FRMD4A: variants seen among roughly 807,000 people sequenced by gnomAD.
FRMD4A encodes FERM domain-containing protein 4A.
Under a neutral mutation model 129.1 loss-of-function variants are expected in FRMD4A, and 29 were observed. The ratio of observed to expected loss-of-function variants is 0.22; its 90% CI spans 0.17 to 0.31. FRMD4A has a LOEUF of 0.31. Ranked by LOEUF, FRMD4A falls within the 10% of genes least tolerant of loss-of-function variation. The pLI is 1.00. For synonymous variants in FRMD4A, 634 were observed against 571.6 expected (o/e 1.11, Z -1.56); for missense variants, 1,272 against 1,375.8 (o/e 0.92, Z 1.19).
intron 3 of FRMD4A, among the ~76,000 whole-genome samples, chr10:13,840,478 A>G (rs1316220000): frequency 6.6e-6 from 1 of 152,332 alleles, no homozygotes; most frequent in Non-Finnish European, 1.5e-5. Context: ...GAGCTGCCTA[A>G]TATGGTGACA....
chr10:14,151,331 T>A (rs991153783), intron 2 of FRMD4A, among the ~76,000 whole-genome samples: 1 of 152,118 alleles, frequency 6.6e-6, no homozygotes, highest in Non-Finnish European at 1.5e-5. Context: ...TATGCAGACA[T>A]GAAAAAATGA....
intron 2 of FRMD4A, among the ~76,000 whole-genome samples, chr10:14,048,905 A>AGAAT (rs1834124978): frequency 3.5e-5 from 5 of 144,286 alleles, no homozygotes; most frequent in Admixed American, 7.0e-5. Flanking sequence ...TAGAATAGAA[A>AGAAT]ATAAAATGAA....
intron 12 of FRMD4A, among the ~76,000 whole-genome samples, chr10:13,715,920 A>AG (rs1368411441): frequency 6.6e-6 from 1 of 151,792 alleles, no homozygotes; most frequent in African/African-American, 2.4e-5. Context: ...AAAAAAAAAA[A>AG]AAAAGAAATG....
chr10:13,856,498 G>T (rs964405370), intron 3 of FRMD4A, among the ~76,000 whole-genome samples: 1 of 152,108 alleles, frequency 6.6e-6, no homozygotes, highest in East Asian at 1.9e-4. Context: ...TCACAGCGAG[G>T]TGTGGCCATG....
At chr10:14,142,213 C>A (rs1323907186) in intron 2 of FRMD4A, among the ~76,000 whole-genome samples, 2 of 151,956 alleles carry the variant, frequency 1.3e-5, no homozygotes, top group Non-Finnish European at 2.9e-5. Context: ...TCTGAATATG[C>A]TTCTTCTCTG....
At chr10:13,664,670 G>A (rs1282980098) in intron 18 of FRMD4A, among the ~76,000 whole-genome samples, 1 of 151,332 alleles carries the variant, frequency 6.6e-6, no homozygotes. Flanking sequence ...TAATTGTGGT[G>A]AAATATATAT....
intron 3 of FRMD4A, among the ~76,000 whole-genome samples, chr10:13,828,378 G>A (rs1407744038): frequency 1.3e-5 from 2 of 152,124 alleles, no homozygotes; most frequent in African/African-American, 4.8e-5. Flanking sequence ...TGCACTTTAA[G>A]TGAGAACATG....
intron 2 of FRMD4A, among the ~76,000 whole-genome samples, chr10:14,110,395 C>T (rs539268465): frequency 4.6e-5 from 7 of 151,994 alleles, no homozygotes; most frequent in Non-Finnish European, 5.9e-5. Context: ...AATGTGGAAA[C>T]GGGGGTGCTG....
chr10:14,238,244 T>C (rs1056808264), intron 2 of FRMD4A, among the ~76,000 whole-genome samples: 1 of 152,268 alleles, frequency 6.6e-6, no homozygotes. Context: ...GATAGAATTA[T>C]GTTTCCAAGT....
At chr10:13,773,057 T>C (rs1323766928) in intron 6 of FRMD4A, among the ~76,000 whole-genome samples, 1 of 152,212 alleles carries the variant, frequency 6.6e-6, no homozygotes, top group Non-Finnish European at 1.5e-5. Context: ...AAATATCTTA[T>C]GTACCCCATA....
In FRMD4A at chr10:14,297,844, G is replaced by A. The variant is rs142326159; in HGVS notation, c.45+32214C>T. 9.7e-4 allele frequency among the ~76,000 whole-genome samples: 148 copies of A among 152,244 alleles called. 2 individuals are homozygous for A. The highest frequency in any genetic ancestry group is 3.1e-3 in the African/African-American group (129 of 41,536). Reference sequence around the variant, plus strand: ...TTATGGTGACTGGAGACTATATAGCGGCCATGAATGGCGATATGAAGTGGT... The same window carrying A: ...TTATGGTGACTGGAGACTATATAGCAGCCATGAATGGCGATATGAAGTGGT... On this transcript the variant is annotated intron_variant, in intron 2 of 24. Coordinates refer to ENST00000357447, the MANE Select transcript of FRMD4A (RefSeq NM_018027.5).
chr10:13,951,890 A>AAATAATAATAATAATAAT (rs5783371), intron 2 of FRMD4A, among the ~76,000 whole-genome samples: 67 of 127,664 alleles, frequency 5.2e-4, no homozygotes, highest in Middle Eastern at 4.0e-3. Flanking sequence ...ACTCTGTCTC[A>AAATAATAATAATAATAAT]AATAATAATA....
intron 2 of FRMD4A, among the ~76,000 whole-genome samples, chr10:13,955,242 G>A (rs556419989): frequency 6.6e-6 from 1 of 151,500 alleles, no homozygotes; most frequent in Non-Finnish European, 1.5e-5. Context: ...AGAGTAGCTG[G>A]GACTACAGGC....
At chr10:14,177,274 T>C (rs1478132186) in intron 2 of FRMD4A, among the ~76,000 whole-genome samples, 1 of 152,130 alleles carries the variant, frequency 6.6e-6, no homozygotes, top group Non-Finnish European at 1.5e-5. Context: ...CTTGGCTCAC[T>C]GCAATCTCTA....
At chr10:14,065,849 C>G (rs1048854585) in intron 2 of FRMD4A, among the ~76,000 whole-genome samples, 2 of 152,090 alleles carry the variant, frequency 1.3e-5, no homozygotes, top group African/African-American at 4.8e-5. Flanking sequence ...AAGAATAAAC[C>G]AGGAAAGGGG....
At chr10:13,686,322 C>T (rs912629352) in intron 15 of FRMD4A, among the ~76,000 whole-genome samples, 8 of 152,342 alleles carry the variant, frequency 5.3e-5, no homozygotes, top group South Asian at 4.1e-4. Flanking sequence ...TTTATATCAG[C>T]GCAAGGCAGT....
At chr10:13,824,051 G>C (rs2093665579) in intron 3 of FRMD4A, among the ~76,000 whole-genome samples, 2 of 152,172 alleles carry the variant, frequency 1.3e-5, no homozygotes, top group Admixed American at 1.3e-4. Context: ...GCCAAGTTCA[G>C]AGGGGGTTAA....
At chr10:13,956,699 T>TCTGAG (rs2131347795) in intron 2 of FRMD4A, among the ~76,000 whole-genome samples, 1 of 152,336 alleles carries the variant, frequency 6.6e-6, no homozygotes, top group East Asian at 1.9e-4. Context: ...TGTGTATTTT[T>TCTGAG]CTGAGCGGCA....
chr10:14,199,287 TTTATTTA>T (rs1842562835), intron 2 of FRMD4A, among the ~76,000 whole-genome samples: 1 of 3,622 alleles, frequency 2.8e-4, no homozygotes, highest in Non-Finnish European at 2.3e-3. Context: ...TCTTATTTTA[TTTATTTA>T]TTTATTTATT....
Sources: allele counts gnomAD v4.1 joint callset (sites outside exome capture counted in the v4.1 genomes callset), GRCh38; gene constraint gnomAD v4.1.1; transcripts MANE v1.5; gene names NCBI Gene and HGNC (gene_info 2026-07-23, HGNC 2026-07-21).